Variants in MBOAT2 observed in about 807,000 individuals in gnomAD.
MBOAT2 encodes membrane-bound glycerophospholipid O-acyltransferase 2.
Under a neutral mutation model 63.4 loss-of-function variants are expected in MBOAT2, and 28 were observed. The ratio of observed to expected loss-of-function variants is 0.44; its 90% CI spans 0.33 to 0.61. MBOAT2 has a LOEUF of 0.61. Among genes scored for constraint, MBOAT2 ranks in the 20% least tolerant of loss-of-function variants. MBOAT2 has a pLI of 0.03. For synonymous variants in MBOAT2, 211 were observed against 215.6 expected, an observed-to-expected ratio of 0.98 and a Z score of 0.19; for missense variants, 470 against 605.8, an observed-to-expected ratio of 0.78 and a Z score of 2.35.
Position 8,879,079 on chromosome 2 carries a change from A to C in MBOAT2, c.507-1866T>G, listed in dbSNP as rs1048630689. On this transcript the variant is annotated intron_variant, in intron 6 of 12. Transcript: ENST00000305997. ...CGACAGAGCGAGACTCCGTCTCAAA[A>C]AAAAAAAAAAAAAAAAATGTCTTGA... 5.3e-5 allele frequency among the ~76,000 whole-genome samples: 8 copies of C among 151,742 alleles called. No homozygotes were observed. In the Middle Eastern group the frequency reaches 0.01, roughly 196 times the overall value.
At chr2:8,861,771 A>C (rs1661516312) in intron 11 of MBOAT2, among the ~76,000 whole-genome samples, 1 of 152,168 alleles carries the variant, frequency 6.6e-6, no homozygotes, top group African/African-American at 2.4e-5. Flanking sequence ...AGTATTTATA[A>C]CACCCACAGA....
At chr2:8,875,360 C>G (rs1662629747) in intron 7 of MBOAT2, among the ~76,000 whole-genome samples, 1 of 150,104 alleles carries the variant, frequency 6.7e-6, no homozygotes, top group African/African-American at 2.4e-5. Context: ...GTCTATAACC[C>G]AAAAGAGGAA....
intron 3 of MBOAT2, among the ~76,000 whole-genome samples, chr2:8,919,140 T>G (rs1159477605): frequency 6.6e-6 from 1 of 152,210 alleles, no homozygotes; most frequent in African/African-American, 2.4e-5. Flanking sequence ...CCACATTTCG[T>G]TTATCCTTTC....
At chr2:8,947,376 A>C (rs572809891) in intron 2 of MBOAT2, among the ~76,000 whole-genome samples, 1 of 152,354 alleles carries the variant, frequency 6.6e-6, no homozygotes, top group South Asian at 2.1e-4. Flanking sequence ...TAGATGCTGC[A>C]GCAAGTTACC....
In MBOAT2 at chr2:8,902,390, G is replaced by A. The variant is rs138235887; in HGVS notation, c.395+6231C>T. 4.7e-3 allele frequency among the ~76,000 whole-genome samples: 719 copies of A among 152,332 alleles called. 2 individuals are homozygous for A. Among genetic ancestry groups the A allele is most frequent in the Non-Finnish European group, 7.0e-3 (479 of 68,032 alleles). Reference sequence around the variant, plus strand: ...GGGTTCTTGGTCAAGCTGACTTCAAGAATGAAGCCGCGGACCCTTGCAGTG... The same window carrying A: ...GGGTTCTTGGTCAAGCTGACTTCAAAAATGAAGCCGCGGACCCTTGCAGTG... On this transcript the variant is annotated intron_variant, in intron 4 of 12. Coordinates refer to ENST00000305997, the MANE Select transcript of MBOAT2 (RefSeq NM_138799.4).
intron 1 of MBOAT2, among the ~76,000 whole-genome samples, 187 bp from the exon 2 acceptor site, chr2:8,958,829 T>C (rs1669409184): frequency 6.6e-6 from 1 of 152,168 alleles, no homozygotes; most frequent in African/African-American, 2.4e-5. Flanking sequence ...GATGGGCCAA[T>C]GCCCACCAAT....
intron 3 of MBOAT2, among the ~76,000 whole-genome samples, chr2:8,914,554 G>T (rs1666014490): frequency 6.6e-6 from 1 of 150,708 alleles, no homozygotes; most frequent in Non-Finnish European, 1.5e-5. Context: ...TGAAAATAAA[G>T]AATATTCTAT....
chr2:8,959,865 C>T (rs1669491875), intron 1 of MBOAT2, among the ~76,000 whole-genome samples: 1 of 152,012 alleles, frequency 6.6e-6, no homozygotes, highest in Non-Finnish European at 1.5e-5. Context: ...ACATTAGGAA[C>T]CTGCAAAAAA....
At chr2:8,956,703 T>C (rs1207626349) in intron 2 of MBOAT2, among the ~76,000 whole-genome samples, 2 of 152,026 alleles carry the variant, frequency 1.3e-5, no homozygotes, top group African/African-American at 2.4e-5. Context: ...TCTTAAAAAA[T>C]TGAAAAAATA....
intron 3 of MBOAT2, among the ~76,000 whole-genome samples, chr2:8,926,857 A>C (rs560599238): frequency 4.6e-4 from 70 of 152,174 alleles, no homozygotes; most frequent in Non-Finnish European, 8.7e-4. Context: ...AGTGGATTTG[A>C]CATGGGTTGG....
chr2:8,960,501 G>A (rs1384305197), intron 1 of MBOAT2, among the ~76,000 whole-genome samples: 2 of 152,150 alleles, frequency 1.3e-5, no homozygotes, highest in East Asian at 3.9e-4. Context: ...GCCTGAAGGG[G>A]TGCCTGCCAC....
chr2:8,877,958 A>G (rs1662820103), intron 6 of MBOAT2, among the ~76,000 whole-genome samples: 1 of 152,238 alleles, frequency 6.6e-6, no homozygotes, highest in African/African-American at 2.4e-5. Flanking sequence ...CTTACAAGCC[A>G]TGGCAGGAAC....
At chr2:8,946,730 A>AC (rs1439430563) in intron 2 of MBOAT2, among the ~76,000 whole-genome samples, 1 of 152,182 alleles carries the variant, frequency 6.6e-6, no homozygotes, top group Non-Finnish European at 1.5e-5. Flanking sequence ...GTTTGGGGGC[A>AC]CCACAAACTG....
chr2:8,939,669 C>A (rs1037932822), intron 3 of MBOAT2, among the ~76,000 whole-genome samples: 8 of 152,164 alleles, frequency 5.3e-5, no homozygotes, highest in Non-Finnish European at 8.8e-5. Flanking sequence ...AGCACACAAT[C>A]CCTGGGGAGC....
chr2:8,896,152 T>C (rs988739480), intron 4 of MBOAT2, among the ~76,000 whole-genome samples: 1 of 143,928 alleles, frequency 6.9e-6, no homozygotes, highest in Non-Finnish European at 1.5e-5. Flanking sequence ...GGCAGAAGAA[T>C]GGCGTGAACC....
In MBOAT2 at chr2:8,984,109, A is replaced by G. The variant is rs185537482; in HGVS notation, c.75+19431T>C. Among the ~76,000 whole-genome samples the G allele has an allele frequency of 9.2e-5, 14 of 152,330 alleles. No homozygotes were observed. In the East Asian group the frequency reaches 2.7e-3, roughly 29 times the overall value. ...CATAACATACCTCACATGTGAAAAC[A>G]TAAATGAACCTTGAAAACATATGCT... On this transcript the variant is annotated intron_variant, in intron 1 of 12. Coordinates refer to ENST00000305997, the MANE Select transcript of MBOAT2 (RefSeq NM_138799.4).
chr2:8,888,383 C>G (rs563231110), intron 4 of MBOAT2, among the ~76,000 whole-genome samples: 4 of 152,282 alleles, frequency 2.6e-5, no homozygotes, highest in African/African-American at 4.8e-5. Flanking sequence ...CATTAGAAAA[C>G]AAGGCCCGGA....
chr2:9,002,923 T>C (rs76054691), intron 1 of MBOAT2, among the ~76,000 whole-genome samples: 11 of 152,304 alleles, frequency 7.2e-5, no homozygotes, highest in Middle Eastern at 3.4e-3. Flanking sequence ...TCATAACCTG[T>C]CTGCCTTCCC....
intron 1 of MBOAT2, among the ~76,000 whole-genome samples, chr2:9,002,026 G>A (rs966821650): frequency 6.6e-6 from 1 of 151,666 alleles, no homozygotes; most frequent in African/African-American, 2.4e-5. Context: ...TAAGGCAGGA[G>A]TGTGATATGC....
Sources: gnomAD v4.1 joint callset for allele counts (sites outside exome capture counted in the v4.1 genomes callset) on GRCh38, gnomAD v4.1.1 for gene constraint, MANE v1.5 for transcripts, NCBI Gene and HGNC (gene_info 2026-07-23, HGNC 2026-07-21) for gene names.